STXBP5: variants seen among roughly 807,000 people sequenced by gnomAD.
The protein encoded by STXBP5 is syntaxin-binding protein 5.
In STXBP5, 50 loss-of-function variants were observed where a neutral mutation model predicts 152.4. The observed-to-expected ratio is 0.33, with a 90% confidence interval of 0.26 to 0.42. The LOEUF (loss-of-function observed/expected upper bound fraction) is 0.42. Ranked by LOEUF, STXBP5 falls within the 10% of genes least tolerant of loss-of-function variation. STXBP5 has a pLI of 1.00. For synonymous variants in STXBP5, 492 were observed against 494.7 expected (o/e 0.99, Z 0.07); for missense variants, 1,167 against 1,388.6 (o/e 0.84, Z 2.54).
chr6:147,205,709 A>G (rs1448805702), intron 1 of STXBP5, among the ~76,000 whole-genome samples: 1 of 152,226 alleles, frequency 6.6e-6, no homozygotes, highest in African/African-American at 2.4e-5. Flanking sequence ...AATATTAATA[A>G]AAGATTTTCT....
chr6:147,291,063 T>G, intron 8 of STXBP5, 31 bp from the exon 9 acceptor site: 8 of 1,557,804 alleles, frequency 5.1e-6, no homozygotes, highest in Non-Finnish European at 7.0e-6. Flanking sequence ...ACTTAGAATT[T>G]TAGAATTTAA....
chr6:147,289,150 G>A (rs531310337), intron 8 of STXBP5, among the ~76,000 whole-genome samples: 66 of 152,312 alleles, frequency 4.3e-4, no homozygotes, highest in African/African-American at 1.4e-3. Flanking sequence ...GGTTCTCCCT[G>A]GCGCCGGCTG....
At position 147,363,257 on chromosome 6, in the gene STXBP5, G is replaced by C. The variant is rs1020187803; in HGVS notation, c.2546-78G>C. On this transcript the variant is annotated intron_variant, in intron 23 of 27. Transcript: ENST00000321680. ...TTCAGCATATATTTAAGTATCTACT[G>C]TATGTCAAAGTTAGAATAAACGTGT... 6 of 1,387,940 alleles carry C rather than the reference G, an allele frequency of 4.3e-6. No homozygotes were observed. In the African/African-American group the frequency reaches 5.8e-5, roughly 13 times the overall value. 86.0% of individuals were successfully genotyped at this position (1,387,940 alleles called of 1,614,324 possible).
intron 21 of STXBP5, among the ~76,000 whole-genome samples, chr6:147,344,589 C>T (rs1402705900): frequency 6.6e-6 from 1 of 152,170 alleles, no homozygotes; most frequent in African/African-American, 2.4e-5. Context: ...ATTGTATGCC[C>T]ACATGGGTTT....
chr6:147,269,215 G>T (rs1373370969), intron 7 of STXBP5, among the ~76,000 whole-genome samples: 1 of 152,142 alleles, frequency 6.6e-6, no homozygotes, highest in Non-Finnish European at 1.5e-5. Flanking sequence ...TCCCAACAGA[G>T]TAGAGAAACT....
chr6:147,232,366 T>C (rs1446999240), intron 2 of STXBP5, among the ~76,000 whole-genome samples: 1 of 151,856 alleles, frequency 6.6e-6, no homozygotes. Flanking sequence ...ACTACCAGGA[T>C]AGGGAACTAC....
chr6:147,314,222 G>A, intron 12 of STXBP5, 42 bp from the exon 13 acceptor site: 1 of 1,507,042 alleles, frequency 6.6e-7, no homozygotes, highest in Non-Finnish European at 9.2e-7. Context: ...GAGGTATGTA[G>A]TATGCTTGCA....
At chr6:147,305,213 A>G (rs554798352) in intron 9 of STXBP5, among the ~76,000 whole-genome samples, 26 of 152,194 alleles carry the variant, frequency 1.7e-4, no homozygotes, top group Non-Finnish European at 3.4e-4. Flanking sequence ...ATACGTATTC[A>G]CAGTTTGTGT....
intron 9 of STXBP5, among the ~76,000 whole-genome samples, chr6:147,302,182 T>C (rs1781854250): frequency 6.6e-6 from 1 of 152,138 alleles, no homozygotes; most frequent in Non-Finnish European, 1.5e-5. Context: ...AGCCTAATGT[T>C]ATATGCCTAC....
At chr6:147,322,126 ATGCC>A (rs1196525472) in intron 16 of STXBP5, among the ~76,000 whole-genome samples, 1 of 152,210 alleles carries the variant, frequency 6.6e-6, no homozygotes, top group African/African-American at 2.4e-5. Context: ...CACATTTAAT[ATGCC>A]AGAGGGAGGG....
intron 8 of STXBP5, among the ~76,000 whole-genome samples, chr6:147,281,166 C>A (rs747350192): frequency 1.3e-5 from 2 of 152,182 alleles, no homozygotes; most frequent in African/African-American, 4.8e-5. Flanking sequence ...AAGCGATTCT[C>A]CTGCACTAGC....
chr6:147,290,901 CT>C (rs568263126), intron 8 of STXBP5, among the ~76,000 whole-genome samples, 192 bp from the exon 9 acceptor site: 55 of 152,250 alleles, frequency 3.6e-4, no homozygotes, highest in African/African-American at 1.3e-3. Context: ...CTTTTTAGCA[CT>C]GAATTTCAAA....
chr6:147,326,643 T>A (rs1783272973), intron 17 of STXBP5, among the ~76,000 whole-genome samples: 1 of 152,232 alleles, frequency 6.6e-6, no homozygotes, highest in Non-Finnish European at 1.5e-5. Flanking sequence ...AGTTCCTGAC[T>A]CATAATTGAG....
At chr6:147,278,698 A>G (rs1780560795) in intron 8 of STXBP5, among the ~76,000 whole-genome samples, 1 of 152,192 alleles carries the variant, frequency 6.6e-6, no homozygotes, top group Non-Finnish European at 1.5e-5. Flanking sequence ...CTCAGCATAT[A>G]GTCATATTCA....
At chr6:147,376,994 CCTA>C (rs1362850837) in intron 26 of STXBP5, among the ~76,000 whole-genome samples, 3 of 152,106 alleles carry the variant, frequency 2.0e-5, no homozygotes, top group Non-Finnish European at 4.4e-5. Context: ...TTTGAATGTA[CCTA>C]CTATTTTGAC....
At chr6:147,205,675 C>T (rs1437623985) in intron 1 of STXBP5, among the ~76,000 whole-genome samples, 1 of 152,098 alleles carries the variant, frequency 6.6e-6, no homozygotes, top group African/African-American at 2.4e-5. Context: ...CTTTAGTCAT[C>T]TGGTGTCGGA....
intron 6 of STXBP5, among the ~76,000 whole-genome samples, chr6:147,263,024 G>A (rs1779715526): frequency 6.6e-6 from 1 of 151,802 alleles, no homozygotes; most frequent in African/African-American, 2.4e-5. Context: ...TAAATACCAG[G>A]AAGTTTATTG....
chr6:147,367,699 A>G (rs1441064439), intron 25 of STXBP5, among the ~76,000 whole-genome samples: 1 of 152,104 alleles, frequency 6.6e-6, no homozygotes, highest in Non-Finnish European at 1.5e-5. Context: ...ACAAGAAAAA[A>G]AATAATAAAC....
In STXBP5 at chr6:147,204,499, C is replaced by T. The variant is rs769071463; in HGVS notation, c.-34C>T. On this transcript the variant is annotated 5_prime_UTR_variant, in exon 1 of 28. Transcript: ENST00000321680. This position sits in a 1 kb window ranked among gnomAD's most constrained non-coding sequence, Gnocchi z 4.3. ...CCCGCCCGGGGACCCCCTGTGCCTC[C>T]CCTCCCGGGCTGCGGGGGAGCCCCT... is the stretch of plus-strand genomic sequence containing the variant. The T allele has an allele frequency of 1.2e-5, 19 of 1,606,896 alleles. No homozygotes were observed. Among genetic ancestry groups the T allele is most frequent in the Non-Finnish European group, 1.4e-5 (16 of 1,177,668 alleles).
Sources: allele counts gnomAD v4.1 joint callset (sites outside exome capture counted in the v4.1 genomes callset), GRCh38; gene constraint gnomAD v4.1.1; non-coding constraint Gnocchi (gnomAD v3.1); transcripts MANE v1.5; gene names NCBI Gene and HGNC (gene_info 2026-07-23, HGNC 2026-07-21).